The following CEP41 variants were observed in gnomAD, a reference collection of about 807,000 sequenced individuals.
The protein encoded by CEP41 is centrosomal protein of 41 kDa.
A neutral mutation model predicts 44.3 loss-of-function variants in CEP41; 32 were observed. That is an observed-to-expected ratio of 0.72 (90% confidence interval 0.54 to 0.97). The LOEUF is 0.97. Ranked by LOEUF, CEP41 falls within the 50% of genes least tolerant of loss-of-function variation. The pLI, the probability that CEP41 is intolerant of heterozygous loss-of-function variation, is 0.00. For synonymous variants in CEP41, 151 were observed against 168.5 expected (o/e 0.90, Z 0.80); for missense variants, 432 against 455.2 (o/e 0.95, Z 0.46).
intron 1 of CEP41, among the ~76,000 whole-genome samples, chr7:130,428,549 G>A (rs1380979826): frequency 6.7e-5 from 10 of 148,342 alleles, no homozygotes; most frequent in African/African-American, 2.5e-4. Flanking sequence ...GTTTCTGTCA[G>A]AACACTTCCA....
At position 130,412,251 on chromosome 7, in the gene CEP41, T is replaced by C. The variant is rs781817949; in HGVS notation, c.146-11A>G. ...TTTTGTATCTATAATCTGAAAAATA[T>C]GGTAAGACAAGTATTTATCTATTTT... is the stretch of plus-strand genomic sequence containing the variant. On this transcript the variant is annotated splice_polypyrimidine_tract_variant and intron_variant, in intron 3 of 10. Transcript: ENST00000223208. The C allele has an allele frequency of 1.1e-5, 15 of 1,331,706 alleles. No homozygotes were observed. The African/African-American group carries it at 1.9e-4, about 17-fold the overall frequency. The allele number at this position is 1,331,706 out of a possible 1,614,324, so 82.5% of individuals were successfully genotyped here. A position where few individuals can be genotyped will look rare whatever the true frequency, so the allele number is the denominator to read the frequency against.
At chr7:130,425,916 T>A (rs1554423350) in intron 2 of CEP41, among the ~76,000 whole-genome samples, 1 of 152,232 alleles carries the variant, frequency 6.6e-6, no homozygotes, top group Admixed American at 6.5e-5. Context: ...ACTGTATGAT[T>A]CCATTTATAC....
intron 2 of CEP41, among the ~76,000 whole-genome samples, chr7:130,423,798 C>T (rs1052647561): frequency 1.3e-5 from 2 of 152,094 alleles, no homozygotes; most frequent in Admixed American, 6.5e-5. Context: ...AATGAAGAAC[C>T]GACACATACT....
At chr7:130,425,415 A>C (rs1258367062) in intron 2 of CEP41, among the ~76,000 whole-genome samples, 1 of 152,202 alleles carries the variant, frequency 6.6e-6, no homozygotes, top group Non-Finnish European at 1.5e-5. Context: ...TCTGTCTCAA[A>C]AAACAAAACA....
intron 2 of CEP41, chr7:130,421,757 T>C: frequency 8.2e-7 from 1 of 1,225,684 alleles, no homozygotes; most frequent in African/African-American, 1.6e-5. Flanking sequence ...TGAATATAGA[T>C]AGAAATGGGA....
intron 5 of CEP41, among the ~76,000 whole-genome samples, chr7:130,410,008 G>C (rs556582409): frequency 6.7e-5 from 10 of 150,324 alleles, no homozygotes; most frequent in Non-Finnish European, 1.2e-4. Context: ...CCAGTGCCTT[G>C]AGGAAGCCTA....
chr7:130,421,905 G>T (rs1377468617), intron 2 of CEP41: 5 of 1,533,094 alleles, frequency 3.3e-6, no homozygotes, highest in East Asian at 2.4e-5. Context: ...AGAACCCTGC[G>T]GTGGTGACTG....
chr7:130,395,063 G>A lies in CEP41; in HGVS notation c.*3828C>T, dbSNP rs782717304. On this transcript the variant is annotated 3_prime_UTR_variant, in exon 11 of 11. Coordinates refer to ENST00000223208, the MANE Select transcript of CEP41 (RefSeq NM_018718.3). ...TCGAAAACACATAAAATCATGCACC[G>A]AATCCTGTTCTGCCTGAATTCAAGG... 6.2e-5 allele frequency: 28 copies of A among 453,862 alleles called. No homozygotes were observed. Among genetic ancestry groups the A allele is most frequent in the African/African-American group, 1.4e-4 (7 of 49,942 alleles). The allele number at this position is 453,862 out of a possible 1,614,324, so 28.1% of individuals were successfully genotyped here.
At chr7:130,402,329 G>A (rs1796871411) in intron 7 of CEP41, among the ~76,000 whole-genome samples, 1 of 132,510 alleles carries the variant, frequency 7.5e-6, no homozygotes, top group Admixed American at 8.2e-5. Flanking sequence ...CTTGGCAACA[G>A]AGCAAGGTAT....
rs548265556 is a variant in CEP41 at position 130,396,527 on chromosome 7, C to T, written c.*2364G>A. 4.2e-4 allele frequency: 189 copies of T among 454,484 alleles called. 2 individuals carry two copies. The highest frequency in any genetic ancestry group is 2.6e-3 in the South Asian group (169 of 64,470). 28.2% of individuals were successfully genotyped at this position (454,484 alleles called of 1,614,324 possible). A position where few individuals can be genotyped will look rare whatever the true frequency, so the allele number is the denominator to read the frequency against. ...CAGTTTTCAGCATATTAATAGCAAACGACAAATTAGTAACTATGTACTTTA... is the reference window on the plus strand; with the variant it reads ...CAGTTTTCAGCATATTAATAGCAAATGACAAATTAGTAACTATGTACTTTA... On this transcript the variant is annotated 3_prime_UTR_variant, in exon 11 of 11. Coordinates refer to ENST00000223208, the MANE Select transcript of CEP41 (RefSeq NM_018718.3).
At position 130,419,859 on chromosome 7, in the gene CEP41, T is replaced by C. The variant is rs564974912; in HGVS notation, c.98-2893A>G. On this transcript the variant is annotated intron_variant, in intron 2 of 10. Transcript: ENST00000223208. ...GACCTTTCCCTCCTCTGAGCCTCTA[T>C]AGCACTCGGCTTACAACTCACAAGG... 12 of 985,342 alleles carry C rather than the reference T, an allele frequency of 1.2e-5. No individual in the cohort carries two copies. In the Admixed American group the frequency reaches 1.8e-4, roughly 15 times the overall value. 61.0% of individuals were successfully genotyped at this position (985,342 alleles called of 1,614,324 possible).
At position 130,395,880 on chromosome 7, in the gene CEP41, T is replaced by TAA. The variant is rs34126172; in HGVS notation, c.*3009_*3010dup. 84 of 415,660 alleles carry TAA rather than the reference T, an allele frequency of 2.0e-4. No individual in the cohort carries two copies. Among genetic ancestry groups the TAA allele is most frequent in the Admixed American group, 7.7e-4 (27 of 35,252 alleles). The allele number at this position is 415,660 out of a possible 1,614,324, so 25.7% of individuals were successfully genotyped here. A position where few individuals can be genotyped will look rare whatever the true frequency, so the allele number is the denominator to read the frequency against. ...CTGGTCCTGGCTAACCACTAAAGGT[T>TAA]AAAAAAAAAAAAAAAGATAAAAGAT... On this transcript the variant is annotated 3_prime_UTR_variant, in exon 11 of 11. Coordinates refer to ENST00000223208, the MANE Select transcript of CEP41 (RefSeq NM_018718.3).
At chr7:130,432,778 G>A (rs1242556542) in intron 1 of CEP41, among the ~76,000 whole-genome samples, 5 of 151,716 alleles carry the variant, frequency 3.3e-5, no homozygotes, top group East Asian at 1.9e-4. Context: ...CCCAAAAAAC[G>A]AAATGGAAGT....
chr7:130,395,880 T>TAAAAAAAAAAAAAAAGA lies in CEP41; in HGVS notation c.*2994_*3010dup, dbSNP rs1796642613. ...CTGGTCCTGGCTAACCACTAAAGGT[T>TAAAAAAAAAAAAAAAGA]AAAAAAAAAAAAAAAGATAAAAGAT... On this transcript the variant is annotated 3_prime_UTR_variant, in exon 11 of 11. Transcript: ENST00000223208. The TAAAAAAAAAAAAAAAGA allele has an allele frequency of 2.7e-6, 1 of 373,556 alleles. No individual in the cohort carries two copies. The allele number at this position is 373,556 out of a possible 1,614,324, so 23.1% of individuals were successfully genotyped here. A position where few individuals can be genotyped will look rare whatever the true frequency, so the allele number is the denominator to read the frequency against.
chr7:130,419,950 TACACAC>T (rs138793861), intron 2 of CEP41: 7 of 969,698 alleles, frequency 7.2e-6, no homozygotes, highest in African/African-American at 3.6e-5. Context: ...TATGGGCACG[TACACAC>T]ACACACACAC....
chr7:130,417,333 A>C (rs1797368139), intron 2 of CEP41: 1 of 1,095,412 alleles, frequency 9.1e-7, no homozygotes, highest in Admixed American at 4.7e-5. Context: ...GAAGATACAC[A>C]GAAGAGGAGC....
intron 3 of CEP41, among the ~76,000 whole-genome samples, chr7:130,415,500 T>C (rs1167954446): frequency 1.3e-5 from 2 of 152,214 alleles, no homozygotes; most frequent in Non-Finnish European, 2.9e-5. Flanking sequence ...AGAGGGAAAG[T>C]GAAGCAAGCA....
At chr7:130,421,825 G>A in intron 2 of CEP41, 1 of 1,380,066 alleles carries the variant, frequency 7.2e-7, no homozygotes, top group Admixed American at 3.0e-5. Flanking sequence ...CCTGTGGTTT[G>A]GAAAGTGTCC....
At chr7:130,418,219 G>A (rs1797391317) in intron 2 of CEP41, among the ~76,000 whole-genome samples, 1 of 152,166 alleles carries the variant, frequency 6.6e-6, no homozygotes, top group South Asian at 2.1e-4. Context: ...GGGCTGCCAG[G>A]AAGGCCTAAG....
Sources: allele counts gnomAD v4.1 joint callset (sites outside exome capture counted in the v4.1 genomes callset), GRCh38; gene constraint gnomAD v4.1.1; transcripts MANE v1.5; gene names NCBI Gene and HGNC (gene_info 2026-07-23, HGNC 2026-07-21).